MAOB: variants seen among roughly 807,000 people sequenced by gnomAD.
MAOB encodes the protein amine oxidase [flavin-containing] B.
MAOB carries 15 observed loss-of-function variants against 41.9 expected under a neutral mutation model. That is an observed-to-expected ratio of 0.36 (90% CI 0.24 to 0.55). The LOEUF (loss-of-function observed/expected upper bound fraction) is 0.55. MAOB is among the 20% of genes least tolerant of loss of function. The pLI is 0.86. For synonymous variants in MAOB, 167 were observed against 144.2 expected, an observed-to-expected ratio of 1.16 and a Z score of -1.13; for missense variants, 345 against 398.7, an observed-to-expected ratio of 0.87 and a Z score of 1.15.
chrX:43,810,071 G>A (rs1601994108), intron 3 of MAOB, among the ~76,000 whole-genome samples: 1 of 98,462 alleles, frequency 1.0e-5, no homozygotes, highest in African/African-American at 4.4e-5. Context: ...GTGAAACCCC[G>A]TCTCTACTAA....
chrX:43,865,785 C>CT (rs1167310007), intron 1 of MAOB, among the ~76,000 whole-genome samples: 241 of 94,175 alleles, frequency 2.6e-3, no homozygotes, highest in East Asian at 4.6e-3. Context: ...TGCCCAAAAG[C>CT]TTTTTTTTTT....
At chrX:43,844,766 T>G (rs2035182398) in intron 1 of MAOB, 2 of 112,356 alleles carry the variant, frequency 1.8e-5, no homozygotes, top group Non-Finnish European at 3.8e-5. Context: ...GGTTTTGGAC[T>G]CTGGGACTTG....
chrX:43,841,417 G>A (rs1046849216), intron 2 of MAOB, among the ~76,000 whole-genome samples: 44 of 111,791 alleles, frequency 3.9e-4, no homozygotes, highest in African/African-American at 1.4e-3. Context: ...TAGTTTATGT[G>A]AATAAATAAA....
chrX:43,801,886 T>C (rs2034598962), intron 5 of MAOB, among the ~76,000 whole-genome samples: 1 of 113,061 alleles, frequency 8.8e-6, no homozygotes, highest in South Asian at 3.6e-4. Context: ...TTTAAGCTGA[T>C]GGTCTTTAAG....
chrX:43,824,384 T>C (rs1242457909), intron 3 of MAOB, among the ~76,000 whole-genome samples: 1 of 112,222 alleles, frequency 8.9e-6, no homozygotes, highest in Non-Finnish European at 1.9e-5. Context: ...GTTTGGCCCT[T>C]CATAGGAAAA....
At position 43,767,624 on chromosome X, in the gene MAOB, T is replaced by C; in HGVS notation, c.1411-6A>G. On this transcript the variant is annotated splice_polypyrimidine_tract_variant and splice_region_variant and intron_variant, in intron 14 of 14. Transcript: ENST00000378069. ...ATGGGCTGTGCAGGGACATCCTAGG[T>C]TCAGAAAACATTGGGTATTAGTACA... is the stretch of plus-strand genomic sequence containing the variant. 8.3e-7 allele frequency: 1 copy of C among 1,203,358 alleles called. No individual in the cohort carries two copies. The highest frequency in any genetic ancestry group is 1.1e-6 in the Non-Finnish European group (1 of 890,429).
chrX:43,779,533 A>G (rs73472053), intron 10 of MAOB, among the ~76,000 whole-genome samples: 3,260 of 112,013 alleles, frequency 0.029, 142 homozygotes, highest in African/African-American at 0.099. Context: ...ATAAAATTTT[A>G]TTATAGTATA....
chrX:43,808,994 A>AACCC (rs2034708646), intron 3 of MAOB, among the ~76,000 whole-genome samples: 3 of 110,792 alleles, frequency 2.7e-5, no homozygotes, highest in Non-Finnish European at 3.8e-5. Flanking sequence ...ACCCAGCCAT[A>AACCC]TCCTTCTATA....
intron 3 of MAOB, among the ~76,000 whole-genome samples, chrX:43,819,409 C>A (rs1376381227): frequency 9.0e-6 from 1 of 111,237 alleles, no homozygotes; most frequent in Non-Finnish European, 1.9e-5. Context: ...GGACAGCTCC[C>A]AAGGGCCATC....
intron 2 of MAOB, among the ~76,000 whole-genome samples, chrX:43,841,038 T>C (rs1205955643): frequency 9.1e-6 from 1 of 110,259 alleles, no homozygotes; most frequent in Non-Finnish European, 1.9e-5. Context: ...ATCCCAGAAC[T>C]TAAAGTATAA....
intron 8 of MAOB, among the ~76,000 whole-genome samples, chrX:43,791,985 T>C (rs941885413): frequency 2.7e-5 from 3 of 111,997 alleles, no homozygotes; most frequent in Non-Finnish European, 1.9e-5. Context: ...ATGAATTTAA[T>C]TTAATATGGT....
At position 43,779,532 on chromosome X, in the gene MAOB, T is replaced by C. The variant is rs770365837; in HGVS notation, c.1080-793A>G. On this transcript the variant is annotated intron_variant, in intron 10 of 14. Transcript: ENST00000378069. ...TTGATTACATAAAAAGATAAAATTT[T>C]ATTATAGTATAAAATGAATAAGCCA... Among the ~76,000 whole-genome samples, 9 of 112,017 alleles carry C rather than the reference T, an allele frequency of 8.0e-5. No individual in the cohort carries two copies. In the East Asian group the frequency reaches 2.5e-3, roughly 32 times the overall value.
At chrX:43,789,768 T>C (rs2034441488) in intron 8 of MAOB, among the ~76,000 whole-genome samples, 1 of 112,169 alleles carries the variant, frequency 8.9e-6, no homozygotes, top group Non-Finnish European at 1.9e-5. Flanking sequence ...CAGGTGCTCT[T>C]ACCACACACA....
At position 43,872,221 on chromosome X, in the gene MAOB, C is replaced by CA. The variant is rs973137446; in HGVS notation, c.46+10032dup. ...AATGGTAGGCATAACGTAGTAATTG[C>CA]AAAAAACAGCTTTCCTGCATGTTAC... On this transcript the variant is annotated intron_variant, in intron 1 of 14. Transcript: ENST00000378069. 5.7e-4 allele frequency among the ~76,000 whole-genome samples: 64 copies of CA among 111,636 alleles called. 1 individual carries two copies. The South Asian group carries it at 7.4e-3, about 13-fold the overall frequency.
chrX:43,768,753 G>A (rs1569207231), intron 13 of MAOB, 37 bp from the exon 14 acceptor site: 3 of 1,085,886 alleles, frequency 2.8e-6, no homozygotes, highest in African/African-American at 3.6e-5. Flanking sequence ...TAGCAAAAGT[G>A]ACACCATCTT....
intron 8 of MAOB, among the ~76,000 whole-genome samples, chrX:43,793,008 A>T (rs2034481924): frequency 8.9e-6 from 1 of 112,186 alleles, no homozygotes; most frequent in African/African-American, 3.2e-5. Context: ...ATAAAAAGAG[A>T]ATTAAATCAT....
intron 8 of MAOB, among the ~76,000 whole-genome samples, chrX:43,785,436 T>G (rs189584169): frequency 1.5e-3 from 174 of 112,825 alleles, no homozygotes; most frequent in African/African-American, 4.9e-3. Flanking sequence ...TGATCTTCTA[T>G]TCAGATCATT....
At chrX:43,824,586 G>T (rs1245545462) in intron 3 of MAOB, among the ~76,000 whole-genome samples, 1 of 111,958 alleles carries the variant, frequency 8.9e-6, no homozygotes, top group African/African-American at 3.3e-5. Flanking sequence ...AGGAGGCTGA[G>T]GCAGGAGAAT....
intron 11 of MAOB, among the ~76,000 whole-genome samples, chrX:43,778,367 C>T (rs1269436947): frequency 9.0e-6 from 1 of 110,770 alleles, no homozygotes; most frequent in African/African-American, 3.3e-5. Context: ...AAGCTCCCCT[C>T]TTTTACCCCC....
Sources: gnomAD v4.1 joint callset for allele counts (sites outside exome capture counted in the v4.1 genomes callset) on GRCh38, gnomAD v4.1.1 for gene constraint, MANE v1.5 for transcripts, NCBI Gene and HGNC (gene_info 2026-07-23, HGNC 2026-07-21) for gene names.